KCNT2: variants seen among roughly 807,000 people sequenced by gnomAD.
KCNT2 encodes the protein potassium channel subfamily T member 2.
A neutral mutation model predicts 153.8 loss-of-function variants in KCNT2; 67 were observed. The observed-to-expected ratio is 0.44, with a 90% CI of 0.36 to 0.53. The LOEUF is 0.53. KCNT2 is among the 20% of genes least tolerant of loss of function. The pLI, the probability that KCNT2 is intolerant of heterozygous loss-of-function variation, is 0.00. For missense variants in KCNT2, 975 were observed against 1,354.8 expected, an observed-to-expected ratio of 0.72 and a Z score of 4.40; for synonymous variants, 500 against 458.8, an observed-to-expected ratio of 1.09 and a Z score of -1.15.
intron 1 of KCNT2, among the ~76,000 whole-genome samples, chr1:196,566,357 A>G (rs1425624519): frequency 6.6e-6 from 1 of 152,046 alleles, no homozygotes; most frequent in Non-Finnish European, 1.5e-5. Flanking sequence ...GTGGTTTTTG[A>G]ATGTTAAGTT....
intron 13 of KCNT2, among the ~76,000 whole-genome samples, chr1:196,383,434 A>C (rs1382799063): frequency 6.6e-6 from 1 of 152,160 alleles, no homozygotes; most frequent in Non-Finnish European, 1.5e-5. Context: ...TGTATTTATC[A>C]TGTTGTAGCT....
At chr1:196,351,658 A>T (rs558718023) in intron 14 of KCNT2, among the ~76,000 whole-genome samples, 1 of 151,974 alleles carries the variant, frequency 6.6e-6, no homozygotes, top group Non-Finnish European at 1.5e-5. Context: ...AAACAGGGAC[A>T]ATTTGACTTC....
At chr1:196,515,521 T>C (rs541997825) in intron 1 of KCNT2, among the ~76,000 whole-genome samples, 26 of 152,208 alleles carry the variant, frequency 1.7e-4, no homozygotes, top group Non-Finnish European at 3.5e-4. Context: ...AAAAAGTTGA[T>C]ATGAAATTAA....
chr1:196,530,652 T>C (rs957127402), intron 1 of KCNT2, among the ~76,000 whole-genome samples: 1 of 152,072 alleles, frequency 6.6e-6, no homozygotes, highest in Non-Finnish European at 1.5e-5. Flanking sequence ...TTCTAGTAAT[T>C]GTCACTAATC....
At chr1:196,555,621 A>T (rs1334070698) in intron 1 of KCNT2, among the ~76,000 whole-genome samples, 1 of 151,338 alleles carries the variant, frequency 6.6e-6, no homozygotes, top group Non-Finnish European at 1.5e-5. Context: ...TAAAATACCA[A>T]TGACATTCTT....
At chr1:196,385,284 C>T (rs1396368669) in intron 13 of KCNT2, among the ~76,000 whole-genome samples, 1 of 152,126 alleles carries the variant, frequency 6.6e-6, no homozygotes, top group Non-Finnish European at 1.5e-5. Context: ...TATCCACACA[C>T]TATTTTTGAC....
chr1:196,548,898 C>A (rs930461115), intron 1 of KCNT2, among the ~76,000 whole-genome samples: 1 of 151,610 alleles, frequency 6.6e-6, no homozygotes, highest in African/African-American at 2.4e-5. Context: ...AGTAAACTAT[C>A]GCAAGAACAA....
At chr1:196,525,805 T>C (rs989496501) in intron 1 of KCNT2, among the ~76,000 whole-genome samples, 2 of 152,152 alleles carry the variant, frequency 1.3e-5, no homozygotes, top group Admixed American at 6.5e-5. Flanking sequence ...CGTTTTATTA[T>C]AATGAAATAC....
chr1:196,315,346 C>T (rs754832463), intron 21 of KCNT2, among the ~76,000 whole-genome samples: 5 of 151,578 alleles, frequency 3.3e-5, no homozygotes, highest in Non-Finnish European at 7.4e-5. Flanking sequence ...ATTGTTTACT[C>T]TTACCCAAAG....
At chr1:196,475,947 A>G (rs912588677) in intron 5 of KCNT2, among the ~76,000 whole-genome samples, 1 of 152,184 alleles carries the variant, frequency 6.6e-6, no homozygotes, top group Non-Finnish European at 1.5e-5. Context: ...ATTATATATC[A>G]TCTAGCTCTG....
chr1:196,396,647 C>G (rs1302481077), intron 13 of KCNT2, among the ~76,000 whole-genome samples: 1 of 151,442 alleles, frequency 6.6e-6, no homozygotes, highest in African/African-American at 2.4e-5. Context: ...AAAAGAGATC[C>G]TCTGAAATGT....
chr1:196,302,496 T>C (rs1661275404), intron 22 of KCNT2, among the ~76,000 whole-genome samples: 1 of 152,192 alleles, frequency 6.6e-6, no homozygotes, highest in African/African-American at 2.4e-5. Context: ...TGGTTCCTTC[T>C]GAGGACTGTA....
chr1:196,374,601 T>G (rs1207355991), intron 13 of KCNT2, among the ~76,000 whole-genome samples: 3 of 151,844 alleles, frequency 2.0e-5, no homozygotes, highest in Non-Finnish European at 2.9e-5. Context: ...CCAGATTATT[T>G]ATTGCTTTGC....
At chr1:196,446,424 C>A (rs1675692748) in intron 8 of KCNT2, among the ~76,000 whole-genome samples, 1 of 151,266 alleles carries the variant, frequency 6.6e-6, no homozygotes, top group Admixed American at 6.6e-5. Flanking sequence ...AGCTGTGGAA[C>A]CACAGCTTAC....
chr1:196,429,566 G>C lies in KCNT2; in HGVS notation c.819+11C>G. On this transcript the variant is annotated intron_variant, in intron 9 of 27. Coordinates refer to ENST00000294725, the MANE Select transcript of KCNT2 (RefSeq NM_198503.5). ...GTACATTTCTATGCAATATAAGATG[G>C]TTTTGTTTACCTGTATGGGTAGAAC... The C allele has an allele frequency of 6.3e-7, 1 of 1,580,516 alleles. No individual in the cohort carries two copies. The highest frequency in any genetic ancestry group is 8.6e-7 in the Non-Finnish European group (1 of 1,163,446).
intron 14 of KCNT2, among the ~76,000 whole-genome samples, chr1:196,352,835 G>A (rs940465798): frequency 2.6e-5 from 4 of 151,938 alleles, no homozygotes; most frequent in South Asian, 2.1e-4. Flanking sequence ...TTTCTCTTGT[G>A]GGCATTTAGT....
chr1:196,454,381 T>G (rs1676478653), intron 8 of KCNT2, among the ~76,000 whole-genome samples: 1 of 151,902 alleles, frequency 6.6e-6, no homozygotes, highest in African/African-American at 2.4e-5. Flanking sequence ...CTTCCCCTCT[T>G]TCTCCTCTAG....
chr1:196,543,364 A>G (rs1362383893), intron 1 of KCNT2, among the ~76,000 whole-genome samples: 2 of 152,112 alleles, frequency 1.3e-5, no homozygotes, highest in Non-Finnish European at 2.9e-5. Flanking sequence ...TGTACATCTC[A>G]TGAAGTATTA....
chr1:196,366,360 T>C (rs1181754023), intron 14 of KCNT2, among the ~76,000 whole-genome samples: 1 of 151,948 alleles, frequency 6.6e-6, no homozygotes, highest in Non-Finnish European at 1.5e-5. Flanking sequence ...GGTTTCTCCA[T>C]GTTGATCATG....
Sources: gnomAD v4.1 joint callset for allele counts (sites outside exome capture counted in the v4.1 genomes callset) on GRCh38, gnomAD v4.1.1 for gene constraint, MANE v1.5 for transcripts, NCBI Gene and HGNC (gene_info 2026-07-23, HGNC 2026-07-21) for gene names.